Variants in TMTC3 observed in about 807,000 individuals in gnomAD.
TMTC3 encodes transmembrane O-mannosyltransferase targeting cadherins 3.
Under a neutral mutation model 92.2 loss-of-function variants are expected in TMTC3, and 52 were observed. The observed-to-expected ratio is 0.56, with a 90% confidence interval of 0.45 to 0.71. The LOEUF is 0.71. TMTC3 is among the 30% of genes least tolerant of loss of function. The pLI is 0.00. For missense variants in TMTC3, 896 were observed against 1,057.1 expected, an observed-to-expected ratio of 0.85 and a Z score of 2.11; for synonymous variants, 339 against 363.3, an observed-to-expected ratio of 0.93 and a Z score of 0.76.
rs1283229446 is a variant in TMTC3 at position 88,199,838 on chromosome 12, C to T, written c.*4189C>T. The T allele has an allele frequency of 6.6e-6, 1 of 152,190 alleles. No homozygotes were observed. The highest frequency in any genetic ancestry group is 1.9e-4 in the East Asian group (1 of 5,196). The allele number at this position is 152,190 out of a possible 1,614,324, so 9.4% of individuals were successfully genotyped here. A position where few individuals can be genotyped will look rare whatever the true frequency, so the allele number is the denominator to read the frequency against. ...TATTTCCATCAAGTAGCACGTATAACGTGATGCTTTCATGTTTCTGCCTTA... is the reference window on the plus strand; with the variant it reads ...TATTTCCATCAAGTAGCACGTATAATGTGATGCTTTCATGTTTCTGCCTTA... On this transcript the variant is annotated 3_prime_UTR_variant, in exon 14 of 14. Coordinates refer to ENST00000266712, the MANE Select transcript of TMTC3 (RefSeq NM_181783.4).
intron 7 of TMTC3, among the ~76,000 whole-genome samples, chr12:88,168,789 G>A (rs896388897): frequency 6.6e-6 from 1 of 152,192 alleles, no homozygotes; most frequent in African/African-American, 2.4e-5. Context: ...CTTAAAAAAT[G>A]TATTGTTAAA....
chr12:88,171,098 C>T (rs2041200200), intron 7 of TMTC3, among the ~76,000 whole-genome samples: 1 of 152,082 alleles, frequency 6.6e-6, no homozygotes, highest in Admixed American at 6.6e-5. Context: ...CAGTAGTCTG[C>T]TATCTTGTCT....
chr12:88,190,869 G>T (rs1221846089), intron 12 of TMTC3, among the ~76,000 whole-genome samples: 1 of 152,144 alleles, frequency 6.6e-6, no homozygotes, highest in Admixed American at 6.5e-5. Flanking sequence ...GGTAGAAGCA[G>T]CTCTGTCTTA....
At chr12:88,162,904 C>T (rs1236903358) in intron 6 of TMTC3, among the ~76,000 whole-genome samples, 2 of 113,450 alleles carry the variant, frequency 1.8e-5, no homozygotes, top group Non-Finnish European at 3.5e-5. Flanking sequence ...TTCAGTCTTG[C>T]TTTTTTTCTT....
In TMTC3 at chr12:88,197,990, A is replaced by C. The variant is rs945743683; in HGVS notation, c.*2341A>C. On this transcript the variant is annotated 3_prime_UTR_variant, in exon 14 of 14. Coordinates refer to ENST00000266712, the MANE Select transcript of TMTC3 (RefSeq NM_181783.4). ...GCAGGAAAATGCTTTTATTTCTCCCATGTTAACTTTTAAAACTAGTAATGT... is the reference window on the plus strand; with the variant it reads ...GCAGGAAAATGCTTTTATTTCTCCCCTGTTAACTTTTAAAACTAGTAATGT... The C allele has an allele frequency of 9.9e-6, 2 of 202,000 alleles. No homozygotes were observed. The highest frequency in any genetic ancestry group is 1.7e-3 in the Middle Eastern group (1 of 586). 12.5% of individuals were successfully genotyped at this position (202,000 alleles called of 1,614,324 possible).
In TMTC3 at chr12:88,185,340, C is replaced by CT. The variant is rs902846875; in HGVS notation, c.1433-3491dup. Among the ~76,000 whole-genome samples, 93 of 145,668 alleles carry CT rather than the reference C, an allele frequency of 6.4e-4. 1 individual carries two copies. The highest frequency in any genetic ancestry group is 1.3e-3 in the South Asian group (6 of 4,600). Reference sequence around the variant, plus strand: ...TGGAATTATACTCTATGGACTCTCTCTTTTTTTTTTTTCTTGGCTTTTTTA... The same window carrying CT: ...TGGAATTATACTCTATGGACTCTCTCTTTTTTTTTTTTTCTTGGCTTTTTTA... On this transcript the variant is annotated intron_variant, in intron 10 of 13. Coordinates refer to ENST00000266712, the MANE Select transcript of TMTC3 (RefSeq NM_181783.4).
intron 13 of TMTC3, among the ~76,000 whole-genome samples, chr12:88,193,889 T>A (rs746734757): frequency 6.6e-6 from 1 of 152,080 alleles, no homozygotes; most frequent in Non-Finnish European, 1.5e-5. Flanking sequence ...ACTTTTTTGT[T>A]TTTTTGGCTT....
intron 13 of TMTC3, among the ~76,000 whole-genome samples, chr12:88,193,103 A>G (rs1237439801): frequency 6.6e-6 from 1 of 152,118 alleles, no homozygotes; most frequent in Non-Finnish European, 1.5e-5. Flanking sequence ...AACATTAACT[A>G]TTTTGTCATT....
chr12:88,189,882 A>G (rs1176650856), intron 11 of TMTC3, among the ~76,000 whole-genome samples: 1 of 152,116 alleles, frequency 6.6e-6, no homozygotes, highest in East Asian at 1.9e-4. Flanking sequence ...AAAACCAATA[A>G]CAAATACAAT....
intron 4 of TMTC3, among the ~76,000 whole-genome samples, chr12:88,157,880 T>C (rs1188085329): frequency 6.6e-6 from 1 of 152,144 alleles, no homozygotes; most frequent in Non-Finnish European, 1.5e-5. Flanking sequence ...ACTGAAGTGA[T>C]TGGTTTCAGT....
intron 1 of TMTC3, among the ~76,000 whole-genome samples, chr12:88,144,760 T>G (rs2040852148): frequency 6.6e-6 from 1 of 152,232 alleles, no homozygotes; most frequent in African/African-American, 2.4e-5. Flanking sequence ...CAGCTCTGGC[T>G]TGAACAAGTC....
intron 10 of TMTC3, among the ~76,000 whole-genome samples, chr12:88,186,520 C>T (rs2041379461): frequency 1.3e-5 from 2 of 152,140 alleles, no homozygotes; most frequent in Non-Finnish European, 1.5e-5. Flanking sequence ...GTGAGGTCCT[C>T]ATTTACCATT....
chr12:88,194,321 AT>A (rs955953777), intron 13 of TMTC3, among the ~76,000 whole-genome samples: 1 of 152,130 alleles, frequency 6.6e-6, no homozygotes, highest in African/African-American at 2.4e-5. Flanking sequence ...TTGAAGTAAC[AT>A]TTTTTAAAAT....
In TMTC3 at chr12:88,195,511, A is replaced by G. The variant is rs772213934; in HGVS notation, c.2607A>G (p.Lys869=). 2.0e-5 allele frequency: 33 copies of G among 1,613,474 alleles called. No individual in the cohort carries two copies. The Admixed American group carries it at 5.5e-4, about 27-fold the overall frequency. The change falls in exon 14 of 14, where the codon AAA becomes AAG. Residue 869 remains lysine, a synonymous_variant. Coordinates refer to ENST00000266712, the MANE Select transcript of TMTC3 (RefSeq NM_181783.4). The stretch of plus-strand genomic sequence containing the variant: ...CAAGTGATAATAAAAGTCAGTCTAA[A>G]TCCAACAAACAATTAGGAAAAAATG... The part of the protein sequence containing the change: ...VKTSDNKSQS[K]SNKQLGKNGD...
intron 1 of TMTC3, among the ~76,000 whole-genome samples, chr12:88,147,989 T>C (rs1448491630): frequency 2.0e-5 from 3 of 152,132 alleles, no homozygotes; most frequent in Non-Finnish European, 2.9e-5. Flanking sequence ...AGAGACCCTA[T>C]GTTTTAAATA....
intron 2 of TMTC3, among the ~76,000 whole-genome samples, chr12:88,152,698 G>T (rs980194292): frequency 6.6e-6 from 1 of 151,992 alleles, no homozygotes; most frequent in Admixed American, 6.6e-5. Flanking sequence ...CCACAAGAAT[G>T]GTGTCTATTT....
chr12:88,143,497 TTAAA>T (rs1429974891), intron 1 of TMTC3, among the ~76,000 whole-genome samples: 1 of 152,218 alleles, frequency 6.6e-6, no homozygotes, highest in Non-Finnish European at 1.5e-5. Context: ...GCTAAGTAAC[TTAAA>T]TAGTGTGATT....
chr12:88,180,791 C>G (rs550415770), intron 10 of TMTC3, among the ~76,000 whole-genome samples: 1 of 152,230 alleles, frequency 6.6e-6, no homozygotes, highest in Admixed American at 6.5e-5. Context: ...ATTCTCTTCC[C>G]CATGTCAACA....
At chr12:88,184,789 TAC>T (rs1216145772) in intron 10 of TMTC3, among the ~76,000 whole-genome samples, 1 of 151,830 alleles carries the variant, frequency 6.6e-6, no homozygotes, top group African/African-American at 2.4e-5. Context: ...TATATATATA[TAC>T]ACACACACAA....
Sources: allele counts gnomAD v4.1 joint callset (sites outside exome capture counted in the v4.1 genomes callset), GRCh38; gene constraint gnomAD v4.1.1; transcripts MANE v1.5; gene names NCBI Gene and HGNC (gene_info 2026-07-23, HGNC 2026-07-21).